Variants in EPB41L4B observed in about 807,000 individuals in gnomAD.
EPB41L4B encodes band 4.1-like protein 4B.
Under a neutral mutation model 112.5 loss-of-function variants are expected in EPB41L4B, and 30 were observed. The observed-to-expected ratio is 0.27, with a 90% confidence interval of 0.20 to 0.36. The LOEUF (loss-of-function observed/expected upper bound fraction) is 0.36, where lower values mean the gene tolerates loss of function less well. Among genes scored for constraint, EPB41L4B ranks in the 10% least tolerant of loss-of-function variants. EPB41L4B has a pLI of 1.00. For missense variants in EPB41L4B, 1,024 were observed against 1,133.3 expected, an observed-to-expected ratio of 0.90 and a Z score of 1.38; for synonymous variants, 408 against 439.7, an observed-to-expected ratio of 0.93 and a Z score of 0.90.
intron 18 of EPB41L4B, among the ~76,000 whole-genome samples, chr9:109,204,111 C>A (rs1391294297): frequency 6.6e-6 from 1 of 152,212 alleles, no homozygotes; most frequent in African/African-American, 2.4e-5. Flanking sequence ...ATAGCACTTA[C>A]AGTTTACAAA....
chr9:109,316,524 G>A (rs529213281), intron 1 of EPB41L4B, among the ~76,000 whole-genome samples: 1 of 152,268 alleles, frequency 6.6e-6, no homozygotes, highest in African/African-American at 2.4e-5. Flanking sequence ...GCCGAGGGAG[G>A]GAGTCCTGCC....
At chr9:109,247,834 G>A in intron 13 of EPB41L4B, 45 bp from the exon 14 acceptor site, 1 of 1,369,198 alleles carries the variant, frequency 7.3e-7, no homozygotes, top group Non-Finnish European at 9.8e-7. Flanking sequence ...AAGAAAAATA[G>A]GTTGTAGAGT....
At chr9:109,243,000 T>C (rs1463871310) in intron 15 of EPB41L4B, among the ~76,000 whole-genome samples, 1 of 151,946 alleles carries the variant, frequency 6.6e-6, no homozygotes, top group Non-Finnish European at 1.5e-5. Context: ...TCTAAATCAG[T>C]TTCATTGAAG....
intron 1 of EPB41L4B, among the ~76,000 whole-genome samples, chr9:109,317,074 C>G (rs1447048672): frequency 1.3e-5 from 2 of 152,106 alleles, no homozygotes; most frequent in African/African-American, 4.8e-5. Context: ...TACTGCACTC[C>G]AGCCTGGGTG....
chr9:109,280,727 C>T (rs1339515926), intron 1 of EPB41L4B, among the ~76,000 whole-genome samples: 1 of 151,952 alleles, frequency 6.6e-6, no homozygotes, highest in Non-Finnish European at 1.5e-5. Context: ...GGAGCAGACA[C>T]GCTTCTCAGA....
At chr9:109,250,387 G>C (rs1834737483) in intron 13 of EPB41L4B, among the ~76,000 whole-genome samples, 1 of 152,132 alleles carries the variant, frequency 6.6e-6, no homozygotes, top group Non-Finnish European at 1.5e-5. Context: ...GATAGTGCAT[G>C]GCACAGTCAA....
intron 14 of EPB41L4B, among the ~76,000 whole-genome samples, chr9:109,244,117 T>C (rs929666777): frequency 1.3e-5 from 2 of 152,186 alleles, no homozygotes; most frequent in African/African-American, 4.8e-5. Flanking sequence ...TGTGGAACAG[T>C]TACATCTGCA....
intron 15 of EPB41L4B, among the ~76,000 whole-genome samples, chr9:109,223,554 C>G (rs74892048): frequency 6.6e-6 from 1 of 152,168 alleles, no homozygotes; most frequent in Non-Finnish European, 1.5e-5. Flanking sequence ...GTGATCAATG[C>G]CCCAAAAAGC....
At chr9:109,281,835 C>T (rs1225657552) in intron 1 of EPB41L4B, among the ~76,000 whole-genome samples, 1 of 152,166 alleles carries the variant, frequency 6.6e-6, no homozygotes, top group Non-Finnish European at 1.5e-5. Flanking sequence ...AATAGCCTGG[C>T]AGTTCCACAA....
chr9:109,182,804 A>T lies in EPB41L4B; in HGVS notation c.2419-7T>A. 1 of 1,599,772 alleles carries T rather than the reference A, an allele frequency of 6.3e-7. No individual in the cohort carries two copies. The highest frequency in any genetic ancestry group is 1.1e-5 in the South Asian group (1 of 90,778). On this transcript the variant is annotated splice_region_variant and splice_polypyrimidine_tract_variant and intron_variant, in intron 23 of 25. Coordinates refer to ENST00000374566, the MANE Select transcript of EPB41L4B (RefSeq NM_019114.5). ...CAACCGGGAATGTTTTTATCTTCAA[A>T]AGAGAGAAAGACAAGGGGGTTACCT...
chr9:109,232,815 T>C (rs891831025), intron 15 of EPB41L4B, among the ~76,000 whole-genome samples: 2 of 152,216 alleles, frequency 1.3e-5, no homozygotes, highest in East Asian at 1.9e-4. Flanking sequence ...TGGTATTCAT[T>C]AGTGCTTAAA....
chr9:109,200,538 A>T (rs1229873355), intron 19 of EPB41L4B, among the ~76,000 whole-genome samples: 1 of 152,178 alleles, frequency 6.6e-6, no homozygotes, highest in African/African-American at 2.4e-5. Context: ...TAAGAAAAAA[A>T]TCATAGGGAA....
chr9:109,249,396 AC>A (rs1834694984), intron 13 of EPB41L4B, among the ~76,000 whole-genome samples: 1 of 150,554 alleles, frequency 6.6e-6, no homozygotes, highest in African/African-American at 2.4e-5. Flanking sequence ...AATCCTACTC[AC>A]CCTGGGATCC....
chr9:109,251,572 A>T (rs1329301274), intron 12 of EPB41L4B, 61 bp from the exon 13 acceptor site: 1 of 1,439,998 alleles, frequency 6.9e-7, no homozygotes, highest in African/African-American at 1.4e-5. Flanking sequence ...TCACCATGCA[A>T]TGACAGATAA....
intron 14 of EPB41L4B, among the ~76,000 whole-genome samples, chr9:109,245,105 G>A (rs1834503115): frequency 6.6e-6 from 1 of 152,206 alleles, no homozygotes; most frequent in African/African-American, 2.4e-5. Context: ...GCTGACCAGG[G>A]CTTTAGCATC....
chr9:109,205,953 C>G (rs1370649005), intron 18 of EPB41L4B, among the ~76,000 whole-genome samples: 10 of 152,156 alleles, frequency 6.6e-5, no homozygotes. Context: ...CTGTTTATAT[C>G]ACAACCCCCA....
At chr9:109,235,888 G>A (rs541027698) in intron 15 of EPB41L4B, among the ~76,000 whole-genome samples, 11 of 152,310 alleles carry the variant, frequency 7.2e-5, no homozygotes, top group African/African-American at 2.6e-4. Context: ...GGAAAATGAG[G>A]TGTCCAGAAG....
At chr9:109,266,915 C>T (rs1233298547) in intron 4 of EPB41L4B, among the ~76,000 whole-genome samples, 1 of 140,378 alleles carries the variant, frequency 7.1e-6, no homozygotes, top group African/African-American at 2.6e-5. Flanking sequence ...GCTGCAGTGA[C>T]CCAAGATCAT....
chr9:109,273,275 C>T (rs1313404425), intron 2 of EPB41L4B, among the ~76,000 whole-genome samples: 1 of 150,962 alleles, frequency 6.6e-6, no homozygotes. Context: ...GAGACAGAGT[C>T]TCGCTCTGTC....
Sources: allele counts gnomAD v4.1 joint callset (sites outside exome capture counted in the v4.1 genomes callset), GRCh38; gene constraint gnomAD v4.1.1; transcripts MANE v1.5; gene names NCBI Gene and HGNC (gene_info 2026-07-23, HGNC 2026-07-21).